Variants in CACNA1I observed in about 807,000 individuals in gnomAD.
The protein encoded by CACNA1I is calcium voltage-gated channel subunit alpha1 I, also known as voltage-dependent T-type calcium channel subunit alpha-1I.
In CACNA1I, 74 loss-of-function variants were observed where a neutral mutation model predicts 201.6. That is an observed-to-expected ratio of 0.37 (90% confidence interval 0.30 to 0.45). CACNA1I has a LOEUF of 0.45. CACNA1I is among the 20% of genes least tolerant of loss of function. The pLI is 1.00. For synonymous variants in CACNA1I, 1,431 were observed against 1,345.2 expected (o/e 1.06, Z -1.40); for missense variants, 2,346 against 3,138.1 (o/e 0.75, Z 6.03).
chr22:39,677,924 G>A lies in CACNA1I; in HGVS notation c.4934-63G>A, dbSNP rs1407216054. On this transcript the variant is annotated intron_variant, in intron 30 of 36. Transcript: ENST00000402142. This position sits in a 1 kb window ranked among gnomAD's most constrained non-coding sequence, Gnocchi z 4.8. ...TTCTGAGGCGAGGCGGGAGGCACCA[G>A]GTCAGGGTGAGCCCCGCAGGCACTC... The A allele has an allele frequency of 6.6e-7, 1 of 1,513,740 alleles. No individual in the cohort carries two copies. Among genetic ancestry groups the A allele is most frequent in the Non-Finnish European group, 8.9e-7 (1 of 1,128,534 alleles). The allele number at this position is 1,513,740 out of a possible 1,614,324, so 93.8% of individuals were successfully genotyped here. A position where few individuals can be genotyped will look rare whatever the true frequency, so the allele number is the denominator to read the frequency against.
intron 3 of CACNA1I, among the ~76,000 whole-genome samples, chr22:39,613,736 G>A (rs537197904): frequency 3.9e-5 from 6 of 152,362 alleles, no homozygotes; most frequent in Non-Finnish European, 5.9e-5. Flanking sequence ...AGCCGGAGGC[G>A]CTGGCCTGCT....
intron 3 of CACNA1I, among the ~76,000 whole-genome samples, chr22:39,605,812 G>A (rs369902742): frequency 1.1e-4 from 16 of 152,038 alleles, no homozygotes; most frequent in African/African-American, 3.4e-4. Flanking sequence ...TTCAGGCAGC[G>A]GGGAAGCATG....
In CACNA1I at chr22:39,685,271, G is replaced by A; in HGVS notation, c.6028-490G>A. On this transcript the variant is annotated intron_variant, in intron 36 of 36. Transcript: ENST00000402142. This position sits in a 1 kb window ranked among gnomAD's most constrained non-coding sequence, Gnocchi z 5.0. ...GGCAGGGAGAACAGCTCCTGGGGAG[G>A]GGCTGCAGGTGGGGGGCCCCGGGGT... The A allele has an allele frequency of 6.4e-6, 1 of 155,630 alleles. No individual in the cohort carries two copies. Among genetic ancestry groups the A allele is most frequent in the Admixed American group, 6.5e-5 (1 of 15,342 alleles). The allele number at this position is 155,630 out of a possible 1,614,324, so 9.6% of individuals were successfully genotyped here. A position where few individuals can be genotyped will look rare whatever the true frequency, so the allele number is the denominator to read the frequency against.
intron 2 of CACNA1I, among the ~76,000 whole-genome samples, chr22:39,599,709 C>G (rs1487291608): frequency 6.6e-6 from 1 of 151,702 alleles, no homozygotes; most frequent in Non-Finnish European, 1.5e-5. Flanking sequence ...GGTCTGGGGT[C>G]CGAGTGGGTA....
rs756314972 is a variant in CACNA1I, at chr22:39,663,689, C to T, written c.3474-29C>T. 4 of 1,612,026 alleles carry T rather than the reference C, an allele frequency of 2.5e-6. No individual in the cohort carries two copies. The South Asian group carries it at 4.4e-5, about 18-fold the overall frequency. ...TGGCCAGGGTGGGAGGCAGCTGACG[C>T]TCAGGCAGCCCCCGCCCACCCTGCC... is the stretch of plus-strand genomic sequence containing the variant. On this transcript the variant is annotated intron_variant, in intron 18 of 36. Coordinates refer to ENST00000402142, the MANE Select transcript of CACNA1I (RefSeq NM_021096.4).
chr22:39,654,256 C>T (rs1934746151), intron 10 of CACNA1I, among the ~76,000 whole-genome samples: 1 of 152,198 alleles, frequency 6.6e-6, no homozygotes. Context: ...GGCATTGCTC[C>T]TAGGAGCAGT....
rs1401751777 is a variant in CACNA1I, at chr22:39,662,190, G to A, written c.3127G>A (p.Gly1043Arg). The A allele has an allele frequency of 1.3e-6, 2 of 1,528,892 alleles. No individual in the cohort carries two copies. The highest frequency in any genetic ancestry group is 1.2e-5 in the South Asian group (1 of 82,248). 94.7% of individuals were successfully genotyped at this position (1,528,892 alleles called of 1,614,324 possible). ...CCCACACGCCCACCACATTCATCACGGGCCCCATCTGGCGCACCGCCACCG... is the reference window on the plus strand; with the variant it reads ...CCCACACGCCCACCACATTCATCACAGGCCCCATCTGGCGCACCGCCACCG... ...HTPHAHHIHH[G>R]PHLAHRHRHH... The change falls in exon 17 of 37, where the codon GGG (glycine) becomes AGG (arginine). Residue 1043 changes from glycine to arginine, a missense_variant. By Grantham distance (125) the Gly-to-Arg change is moderately radical. This residue lies in a region of CACNA1I where 288 missense variants were observed against 255.2 expected (regional missense o/e 1.13). Transcript: ENST00000402142.
chr22:39,662,261 C>T lies in CACNA1I; in HGVS notation c.3198C>T (p.Asp1066=). 1.3e-6 allele frequency: 2 copies of T among 1,522,362 alleles called. No homozygotes were observed. Among genetic ancestry groups the T allele is most frequent in the Non-Finnish European group, 1.8e-6 (2 of 1,139,954 alleles). 94.3% of individuals were successfully genotyped at this position (1,522,362 alleles called of 1,614,324 possible). Residue 1066 remains aspartate (D), a synonymous_variant, in exon 17 of 37, where the codon GAC becomes GAT. Transcript: ENST00000402142. ...CCCTCGACAACAGGGACTCGGTGGA[C>T]CTGGCCGAGCTGGTGCCCGCGGTGG... ...TLSLDNRDSV[D]LAELVPAVGA...
In CACNA1I at chr22:39,659,589, G is replaced by A. The variant is rs753369142; in HGVS notation, c.2448+39G>A. The A allele has an allele frequency of 3.1e-6, 5 of 1,599,862 alleles. No individual in the cohort carries two copies. In the Admixed American group the frequency reaches 5.0e-5, roughly 16 times the overall value. ...GCGTGTTCATGTTTGCTGGGGAAGC[G>A]ATGGGACAGTAGGCCTGGGAGGGGC... On this transcript the variant is annotated intron_variant, in intron 13 of 36. Coordinates refer to ENST00000402142, the MANE Select transcript of CACNA1I (RefSeq NM_021096.4). The surrounding 1 kb of genome is among the most constrained non-coding windows in gnomAD (Gnocchi z 4.3).
chr22:39,620,038 T>TCCATCCATCCATCCAC (rs1933685005), intron 4 of CACNA1I, among the ~76,000 whole-genome samples: 1 of 138,038 alleles, frequency 7.2e-6, no homozygotes, highest in African/African-American at 2.8e-5. Flanking sequence ...CATCCATCCA[T>TCCATCCATCCATCCAC]CCATCCATCC....
Position 39,619,326 on chromosome 22 carries a change from C to T in CACNA1I, c.499C>T (p.Leu167=), listed in dbSNP as rs751154057. ...TCTCTGCAGGATGGTCGAGTACTCC[C>T]TGGACCTTCAGAACATCAACCTGTC... ...IVMAGMVEYS[L]DLQNINLSAI... Residue 167 remains leucine, a synonymous_variant, in exon 4 of 37, where the codon CTG becomes TTG. Transcript: ENST00000402142. 48 of 1,609,274 alleles carry T rather than the reference C, an allele frequency of 3.0e-5. No individual in the cohort carries two copies. Among genetic ancestry groups the T allele is most frequent in the Non-Finnish European group, 3.8e-5 (45 of 1,179,656 alleles).
At chr22:39,586,567 G>T (rs1008999782) in intron 1 of CACNA1I, among the ~76,000 whole-genome samples, 2 of 152,140 alleles carry the variant, frequency 1.3e-5, no homozygotes, top group Non-Finnish European at 2.9e-5. Flanking sequence ...AAAAGGTTAA[G>T]AACCCCTGTT....
intron 29 of CACNA1I, among the ~76,000 whole-genome samples, chr22:39,675,760 G>A (rs190915769): frequency 8.5e-5 from 13 of 152,314 alleles, no homozygotes; most frequent in Middle Eastern, 3.4e-3. Flanking sequence ...GCTTTGAGGG[G>A]TGGGGAGGAG....
chr22:39,679,964 A>G (rs1935649166), intron 33 of CACNA1I, 96 bp downstream of exon 33: 1 of 1,306,112 alleles, frequency 7.7e-7, no homozygotes, highest in African/African-American at 1.5e-5. Flanking sequence ...TCTGGGCTGT[A>G]GAGACCAGGC....
intron 7 of CACNA1I, among the ~76,000 whole-genome samples, chr22:39,645,383 G>A (rs977912803): frequency 2.0e-5 from 3 of 152,224 alleles, no homozygotes; most frequent in African/African-American, 7.2e-5. Flanking sequence ...GCCCACCCGG[G>A]TCGCCCAGGG....
intron 1 of CACNA1I, among the ~76,000 whole-genome samples, chr22:39,574,870 C>G (rs1282488891): frequency 6.6e-6 from 1 of 152,208 alleles, no homozygotes; most frequent in Non-Finnish European, 1.5e-5. Flanking sequence ...GACAGCCTGT[C>G]CTGAGCTCAT....
At chr22:39,658,120 G>A (rs202153992) in intron 10 of CACNA1I, 32 bp from the exon 11 acceptor site, 127 of 1,610,762 alleles carry the variant, frequency 7.9e-5, no homozygotes, top group Non-Finnish European at 9.8e-5. Flanking sequence ...TGGCCTGACC[G>A]GGTCTCCATT....
intron 6 of CACNA1I, 43 bp downstream of exon 6, chr22:39,641,225 G>C: frequency 1.3e-6 from 2 of 1,543,080 alleles, no homozygotes; most frequent in Non-Finnish European, 1.8e-6. Flanking sequence ...CCTAGAGTGG[G>C]CAGCTCTGCC....
intron 8 of CACNA1I, among the ~76,000 whole-genome samples, chr22:39,647,093 T>G (rs868516587): frequency 2.0e-5 from 3 of 152,270 alleles, no homozygotes; most frequent in Non-Finnish European, 4.4e-5. Flanking sequence ...GGCCTGGGGC[T>G]GAGGGAACTC....
Sources: gnomAD v4.1 joint callset for allele counts (sites outside exome capture counted in the v4.1 genomes callset) on GRCh38, gnomAD v4.1.1 for gene constraint, gnomAD v4.1.1 regional missense constraint, Gnocchi (gnomAD v3.1) non-coding constraint, MANE v1.5 for transcripts, NCBI Gene and HGNC (gene_info 2026-07-23, HGNC 2026-07-21) for gene names.